The following LRP1B variants were observed in gnomAD, a reference collection of about 807,000 sequenced individuals.
LRP1B encodes LDL receptor related protein 1B.
A neutral mutation model predicts 556.6 loss-of-function variants in LRP1B; 217 were observed. The ratio of observed to expected loss-of-function variants is 0.39; its 90% CI spans 0.35 to 0.44. The LOEUF (loss-of-function observed/expected upper bound fraction) is 0.44. Among genes scored for constraint, LRP1B ranks in the 20% least tolerant of loss-of-function variants. The pLI, the probability that LRP1B is intolerant of heterozygous loss-of-function variation, is 1.00. For synonymous variants in LRP1B, 2,047 were observed against 1,865.8 expected (o/e 1.10, Z -2.50); for missense variants, 5,053 against 5,620.8 (o/e 0.90, Z 3.23).
intron 3 of LRP1B, among the ~76,000 whole-genome samples, chr2:141,362,295 A>T (rs1688853124): frequency 6.6e-6 from 1 of 152,186 alleles, no homozygotes; most frequent in Admixed American, 6.5e-5. Flanking sequence ...AGAGATGATT[A>T]TGTATATTTA....
chr2:141,268,907 T>C (rs1684989207), intron 3 of LRP1B, among the ~76,000 whole-genome samples: 1 of 152,150 alleles, frequency 6.6e-6, no homozygotes, highest in South Asian at 2.1e-4. Flanking sequence ...GTTACTCTCA[T>C]CCAGATCCTT....
At chr2:141,414,476 T>C (rs1691012407) in intron 3 of LRP1B, among the ~76,000 whole-genome samples, 1 of 152,130 alleles carries the variant, frequency 6.6e-6, no homozygotes, top group Non-Finnish European at 1.5e-5. Context: ...GTTAGCACAC[T>C]ATTTGAAGAC....
In LRP1B at chr2:140,444,664, T is replaced by C. The variant is rs1558886859; in HGVS notation, c.10073A>G (p.Gln3358Arg). ...AGTCCCACACTGAAATCGGCCTGGC[T>C]GACATCTAAATTCAGCTAGGGGAGA... ...EPDDCPEFRC[Q>R]PGRFQCGTGL... The change falls in exon 64 of 91, where the codon CAG becomes CGG. Residue 3358 changes from glutamine (Q) to arginine (R), a missense_variant. By Grantham distance (43) the Gln-to-Arg change is conservative. This residue lies in a region of LRP1B where 262 missense variants were observed against 395.1 expected (regional missense o/e 0.66). Transcript: ENST00000389484. 6.2e-7 allele frequency: 1 copy of C among 1,612,790 alleles called. No homozygotes were observed. Among genetic ancestry groups the C allele is most frequent in the Admixed American group, 1.7e-5 (1 of 59,994 alleles).
intron 2 of LRP1B, among the ~76,000 whole-genome samples, chr2:141,603,946 A>G (rs1333022992): frequency 6.6e-6 from 1 of 152,144 alleles, no homozygotes; most frequent in Non-Finnish European, 1.5e-5. Context: ...TTGTAAGGAG[A>G]TTGCCTTAGG....
At chr2:141,062,516 G>C (rs1699363888) in intron 7 of LRP1B, among the ~76,000 whole-genome samples, 1 of 151,744 alleles carries the variant, frequency 6.6e-6, no homozygotes, top group Non-Finnish European at 1.5e-5. Context: ...AATGATTATA[G>C]TGGGTTTATT....
chr2:141,572,803 T>G (rs1327775127), intron 2 of LRP1B, among the ~76,000 whole-genome samples: 3 of 152,018 alleles, frequency 2.0e-5, no homozygotes, highest in Non-Finnish European at 4.4e-5. Context: ...AATCCTAGTC[T>G]CTGACAAAAC....
At chr2:140,752,091 C>A (rs996551916) in intron 35 of LRP1B, among the ~76,000 whole-genome samples, 1 of 151,762 alleles carries the variant, frequency 6.6e-6, no homozygotes, top group Non-Finnish European at 1.5e-5. Flanking sequence ...GCAAGGCGGG[C>A]GGATCACGAG....
intron 1 of LRP1B, among the ~76,000 whole-genome samples, chr2:142,013,478 T>A (rs999168048): frequency 3.3e-5 from 5 of 152,004 alleles, no homozygotes; most frequent in Non-Finnish European, 2.9e-5. Context: ...AAGGTATCAA[T>A]CAACAAGAAC....
chr2:141,051,536 T>C (rs868712976), intron 10 of LRP1B, among the ~76,000 whole-genome samples: 3 of 152,010 alleles, frequency 2.0e-5, no homozygotes, highest in East Asian at 3.9e-4. Context: ...ACTGATAACA[T>C]ATTTTAATAT....
intron 3 of LRP1B, among the ~76,000 whole-genome samples, chr2:141,316,773 C>T (rs112960390): frequency 0.022 from 3,422 of 152,272 alleles, 68 homozygotes; most frequent in Non-Finnish European, 0.036. Flanking sequence ...GTGGCTTTCC[C>T]GCCATGGGGG....
At chr2:141,149,198 T>C (rs1026460479) in intron 7 of LRP1B, among the ~76,000 whole-genome samples, 12 of 152,124 alleles carry the variant, frequency 7.9e-5, no homozygotes, top group African/African-American at 2.9e-4. Flanking sequence ...TTTTTTTGTT[T>C]TGTTTTGTTT....
chr2:142,045,718 A>G (rs764137767), intron 1 of LRP1B, among the ~76,000 whole-genome samples: 8 of 151,874 alleles, frequency 5.3e-5, no homozygotes, highest in Non-Finnish European at 1.0e-4. Flanking sequence ...TTAAAGAACC[A>G]TGCAAATATG....
chr2:141,325,497 A>G (rs1312535938), intron 3 of LRP1B, among the ~76,000 whole-genome samples: 1 of 152,134 alleles, frequency 6.6e-6, no homozygotes, highest in Non-Finnish European at 1.5e-5. Context: ...ACAGTCACAG[A>G]CTATACTAGG....
intron 2 of LRP1B, among the ~76,000 whole-genome samples, chr2:141,733,225 GA>G: frequency 6.6e-6 from 1 of 152,258 alleles, no homozygotes; most frequent in Admixed American, 6.6e-5. Flanking sequence ...TCTATGGCAA[GA>G]GAATGATTTG....
rs1324689153 is a variant in LRP1B at position 141,464,598 on chromosome 2, A to T, written c.343+15798T>A. On this transcript the variant is annotated intron_variant, in intron 3 of 90. Coordinates refer to ENST00000389484, the MANE Select transcript of LRP1B (RefSeq NM_018557.3). ...TGGCTAATTTTGTATATATATATAT[A>T]TATATATATTTTTTTAGTAGAGATG... Among the ~76,000 whole-genome samples, 529 of 73,164 alleles carry T rather than the reference A, an allele frequency of 7.2e-3. 13 individuals carry two copies. Among genetic ancestry groups the T allele is most frequent in the African/African-American group, 0.025 (468 of 18,750 alleles). 48.0% of individuals were successfully genotyped at this position (73,164 alleles called of 152,430 possible).
At chr2:141,958,758 G>C (rs1248292741) in intron 1 of LRP1B, among the ~76,000 whole-genome samples, 1 of 151,962 alleles carries the variant, frequency 6.6e-6, no homozygotes, top group East Asian at 1.9e-4. Flanking sequence ...TGTTCTTGCT[G>C]TTATATCTGA....
At chr2:141,187,188 G>A (rs551848922) in intron 7 of LRP1B, among the ~76,000 whole-genome samples, 3 of 152,048 alleles carry the variant, frequency 2.0e-5, no homozygotes, top group Non-Finnish European at 2.9e-5. Flanking sequence ...GTCAGATTGA[G>A]TCAAGTAACC....
chr2:141,577,289 T>C (rs1686786512), intron 2 of LRP1B, among the ~76,000 whole-genome samples: 1 of 152,132 alleles, frequency 6.6e-6, no homozygotes, highest in Admixed American at 6.6e-5. Context: ...TGCTGTATGA[T>C]TTGGGGGATT....
chr2:141,032,706 T>G (rs549079361), intron 11 of LRP1B, among the ~76,000 whole-genome samples: 2 of 151,972 alleles, frequency 1.3e-5, no homozygotes, highest in South Asian at 2.1e-4. Flanking sequence ...TTATATGAAT[T>G]GTGAACATTT....
Sources: allele counts gnomAD v4.1 joint callset (sites outside exome capture counted in the v4.1 genomes callset), GRCh38; gene constraint gnomAD v4.1.1; regional missense constraint gnomAD v4.1.1; transcripts MANE v1.5; gene names NCBI Gene and HGNC (gene_info 2026-07-23, HGNC 2026-07-21).